The following REPS1 variants were observed in gnomAD, a reference collection of about 807,000 sequenced individuals.
REPS1 encodes the protein RALBP1 associated Eps domain containing 1.
In REPS1, 39 loss-of-function variants were observed where a neutral mutation model predicts 100.9. The observed-to-expected ratio is 0.39, with a 90% CI of 0.30 to 0.50. The LOEUF is 0.50. Ranked by LOEUF, REPS1 falls within the 20% of genes least tolerant of loss-of-function variation. The probability of loss-of-function intolerance (pLI) is 0.86; values close to 1 mark genes in which losing one functional copy is unlikely to be tolerated. For synonymous variants in REPS1, 324 were observed against 340.3 expected (o/e 0.95, Z 0.53); for missense variants, 821 against 968.5 (o/e 0.85, Z 2.02).
At chr6:138,986,300 A>G (rs777959610) in intron 1 of REPS1, among the ~76,000 whole-genome samples, 21 of 152,276 alleles carry the variant, frequency 1.4e-4, no homozygotes, top group Non-Finnish European at 3.1e-4. Context: ...CCTTTAAAAA[A>G]GCAATGTAAA....
At chr6:138,914,665 G>A (rs1169451241) in intron 15 of REPS1, 32 bp downstream of exon 15, 2 of 1,548,760 alleles carry the variant, frequency 1.3e-6, no homozygotes, top group Non-Finnish European at 1.8e-6. Flanking sequence ...GTGATCATGG[G>A]ACATTTAGTA....
At chr6:138,952,188 T>C (rs1411971473) in intron 1 of REPS1, among the ~76,000 whole-genome samples, 2 of 152,112 alleles carry the variant, frequency 1.3e-5, no homozygotes, top group African/African-American at 2.4e-5. Flanking sequence ...GACGTAACAA[T>C]TCCTCCTAGC....
chr6:138,970,457 T>TAA (rs11420118), intron 1 of REPS1, among the ~76,000 whole-genome samples: 21,539 of 141,278 alleles, frequency 0.15, 1,715 homozygotes, highest in African/African-American at 0.18. Context: ...AAGAATATCT[T>TAA]AAAAAAAAAA....
intron 1 of REPS1, among the ~76,000 whole-genome samples, chr6:138,982,159 A>G (rs1582871628): frequency 6.6e-6 from 1 of 152,240 alleles, no homozygotes; most frequent in Non-Finnish European, 1.5e-5. Context: ...TATTAAGTTT[A>G]TAACTTTCAA....
intron 1 of REPS1, among the ~76,000 whole-genome samples, chr6:138,974,980 G>C (rs1193950237): frequency 6.6e-6 from 1 of 151,550 alleles, no homozygotes; most frequent in Non-Finnish European, 1.5e-5. Context: ...GGGTGACAGA[G>C]TGAGACCCTG....
chr6:138,927,047 T>C (rs1424565954), intron 9 of REPS1: 1 of 152,452 alleles, frequency 6.6e-6, no homozygotes, highest in East Asian at 1.9e-4. Flanking sequence ...CAAAGAATTC[T>C]GGAATTAATA....
intron 7 of REPS1, among the ~76,000 whole-genome samples, chr6:138,941,889 T>A (rs939934874): frequency 3.9e-5 from 6 of 152,148 alleles, no homozygotes; most frequent in African/African-American, 1.4e-4. Context: ...TTTGTTTTTA[T>A]TTTTTTTGAG....
Position 138,903,782 on chromosome 6 carries a change from C to T in REPS1, c.*1282G>A, listed in dbSNP as rs903569166. 1.3e-5 allele frequency: 2 copies of T among 152,104 alleles called. No homozygotes were observed. Among genetic ancestry groups the T allele is most frequent in the African/African-American group, 4.8e-5 (2 of 41,412 alleles). The allele number at this position is 152,104 out of a possible 1,614,324, so 9.4% of individuals were successfully genotyped here. ...CATACTGAAAGCCACTTGGAAACTT[C>T]AGCTGATGTATATTTTTACCTAGAT... On this transcript the variant is annotated 3_prime_UTR_variant, in exon 20 of 20. Coordinates refer to ENST00000450536, the MANE Select transcript of REPS1 (RefSeq NM_001286611.2).
In REPS1 at chr6:138,945,693, C is replaced by CT; in HGVS notation, c.281dup (p.Asp95GlyfsTer13). 6.3e-7 allele frequency: 1 copy of CT among 1,577,404 alleles called. No homozygotes were observed. Among genetic ancestry groups the CT allele is most frequent in the Non-Finnish European group, 8.6e-7 (1 of 1,165,332 alleles). ...CAACAAATCTTGGCAGAGGAAGGTC[C>CT]TTTACTGTTAACCACAAAATAATCA... On this transcript the variant is annotated frameshift_variant, in exon 3 of 20. Transcript: ENST00000450536. LOFTEE classifies it high-confidence loss of function.
At chr6:138,940,168 C>T (rs546435341) in intron 8 of REPS1, among the ~76,000 whole-genome samples, 4 of 152,234 alleles carry the variant, frequency 2.6e-5, no homozygotes, top group East Asian at 1.9e-4. Flanking sequence ...ATTCCTTCTG[C>T]GTAATTTAGA....
chr6:138,980,508 C>T (rs779860296), intron 1 of REPS1, among the ~76,000 whole-genome samples: 14 of 151,924 alleles, frequency 9.2e-5, no homozygotes, highest in Non-Finnish European at 1.9e-4. Context: ...CAGGCCCTTC[C>T]CAGTTCTCTC....
chr6:138,929,459 C>A (rs1309693946), intron 9 of REPS1: 1 of 152,344 alleles, frequency 6.6e-6, no homozygotes, highest in African/African-American at 2.4e-5. Context: ...GCTAAACATT[C>A]TATATTGAAG....
Position 138,912,896 on chromosome 6 carries a change from T to C in REPS1, c.1840A>G (p.Thr614Ala), listed in dbSNP as rs1442852320. The C allele has an allele frequency of 1.2e-6, 2 of 1,614,080 alleles. No individual in the cohort carries two copies. The highest frequency in any genetic ancestry group is 1.7e-6 in the Non-Finnish European group (2 of 1,180,002). The change falls in exon 16 of 20, where the codon ACT (threonine) becomes GCT (alanine). Residue 614 changes from threonine (T) to alanine (A), a missense_variant. Thr to Ala is a moderately conservative substitution (Grantham distance 58). Transcript: ENST00000450536. ...GGTATCTGCTGAGGTGAGGTACTAG[T>C]GTGAGTTATGAGGCCATCGGCATCC... ...PVDADGLITH[T>A]STSPQQIPEQ...
In REPS1 at chr6:138,911,385, T is replaced by A. The variant is rs770419908; in HGVS notation, c.1972-14A>T. ...AGCTTTTTCAGCCTAAAAATGAATA[T>A]GTTTATCACTATTAATTCTACATAA... On this transcript the variant is annotated splice_polypyrimidine_tract_variant and intron_variant, in intron 16 of 19. Transcript: ENST00000450536. 6 of 1,513,824 alleles carry A rather than the reference T, an allele frequency of 4.0e-6. No individual in the cohort carries two copies. Among genetic ancestry groups the A allele is most frequent in the East Asian group, 2.3e-5 (1 of 44,346 alleles). 93.8% of individuals were successfully genotyped at this position (1,513,824 alleles called of 1,614,324 possible).
intron 1 of REPS1, among the ~76,000 whole-genome samples, chr6:138,975,178 C>T (rs1391554203): frequency 1.3e-5 from 2 of 152,054 alleles, no homozygotes; most frequent in Non-Finnish European, 2.9e-5. Context: ...ATACAAAATC[C>T]ACCACATTAT....
Position 138,945,283 on chromosome 6 carries a change from C to T in REPS1, c.564G>A (p.Gly188=). 7 of 1,611,596 alleles carry T rather than the reference C, an allele frequency of 4.3e-6. No homozygotes were observed. The highest frequency in any genetic ancestry group is 5.9e-6 in the Non-Finnish European group (7 of 1,179,490). ...WRKHSRHPSG[G]NSERPLAGPG... ...GTCCCGCGAGAGGCCTCTCACTATTCCCACCGCTGGGATGACGGCTGTGCT... is the reference window on the plus strand; with the variant it reads ...GTCCCGCGAGAGGCCTCTCACTATTTCCACCGCTGGGATGACGGCTGTGCT... The change falls in exon 4 of 20, where the codon GGG becomes GGA. Residue 188 remains glycine, a synonymous_variant. Coordinates refer to ENST00000450536, the MANE Select transcript of REPS1 (RefSeq NM_001286611.2).
At chr6:138,986,787 T>C (rs1347446872) in intron 1 of REPS1, among the ~76,000 whole-genome samples, 12 of 152,036 alleles carry the variant, frequency 7.9e-5, no homozygotes, top group Admixed American at 5.9e-4. Flanking sequence ...GCAGATATGA[T>C]AAAAAAAGGC....
intron 1 of REPS1, among the ~76,000 whole-genome samples, chr6:138,964,504 CAG>C (rs1417556326): frequency 6.6e-6 from 1 of 151,952 alleles, no homozygotes; most frequent in African/African-American, 2.4e-5. Flanking sequence ...TACTTTAACA[CAG>C]AAATATTAGA....
intron 1 of REPS1, among the ~76,000 whole-genome samples, chr6:138,957,917 T>C (rs1490158854): frequency 1.3e-5 from 2 of 152,218 alleles, no homozygotes; most frequent in Non-Finnish European, 2.9e-5. Context: ...CAATTAATTA[T>C]GGTTACAGAA....
Sources: gnomAD v4.1 joint callset for allele counts (sites outside exome capture counted in the v4.1 genomes callset) on GRCh38, gnomAD v4.1.1 for gene constraint, MANE v1.5 for transcripts, NCBI Gene and HGNC (gene_info 2026-07-23, HGNC 2026-07-21) for gene names.